Variants in PHKA1 observed in about 807,000 individuals in gnomAD.
PHKA1 encodes the protein phosphorylase kinase regulatory subunit alpha 1.
In PHKA1, 60 loss-of-function variants were observed where a neutral mutation model predicts 110.2. The ratio of observed to expected loss-of-function variants is 0.54; its 90% CI spans 0.44 to 0.68. PHKA1 has a LOEUF of 0.68. Ranked by LOEUF, PHKA1 falls within the 30% of genes least tolerant of loss-of-function variation. The probability of loss-of-function intolerance (pLI) is 0.00; values close to 1 mark genes in which losing one functional copy is unlikely to be tolerated. For synonymous variants in PHKA1, 316 were observed against 333.6 expected (o/e 0.95, Z 0.58); for missense variants, 801 against 942.5 (o/e 0.85, Z 1.97).
chrX:72,655,887 T>C (rs782335512), intron 10 of PHKA1, among the ~76,000 whole-genome samples: 2 of 112,543 alleles, frequency 1.8e-5, no homozygotes, highest in Admixed American at 1.9e-4. Flanking sequence ...CCCAAAGTGC[T>C]GGGATTACAG....
At chrX:72,651,275 G>A (rs1231047689) in intron 12 of PHKA1, among the ~76,000 whole-genome samples, 2 of 111,377 alleles carry the variant, frequency 1.8e-5, no homozygotes, top group Non-Finnish European at 3.8e-5. Flanking sequence ...AGTGGCTCAC[G>A]CCTGTAATCC....
chrX:72,628,600 T>A (rs868990400), intron 16 of PHKA1, among the ~76,000 whole-genome samples: 63 of 98,777 alleles, frequency 6.4e-4, no homozygotes, highest in African/African-American at 1.9e-3. Flanking sequence ...ATATATATTT[T>A]TTTTTTTCAA....
rs868994720 is a variant in PHKA1 at position 72,644,428 on chromosome X, T to C, written c.1393A>G (p.Ile465Val). The change falls in exon 14 of 32, where the codon ATT becomes GTT. Residue 465 changes from isoleucine to valine, a missense_variant. Ile to Val is a conservative substitution (Grantham distance 29). This residue lies in a region of PHKA1 where 299 missense variants were observed against 423.3 expected (regional missense o/e 0.71). Coordinates refer to ENST00000373542, the MANE Select transcript of PHKA1 (RefSeq NM_002637.4). ...ACTCTGATGGGGTATACCTCAGCAA[T>C]GGTCTCCACGTAAATTCCCTTGTCC... ...LKDKGIYVET[I>V]AEVYPIRVQP... The C allele has an allele frequency of 4.1e-6, 5 of 1,205,351 alleles. No homozygotes were observed. In the African/African-American group the frequency reaches 5.2e-5, roughly 13 times the overall value.
chrX:72,588,120 G>A (rs375382681), intron 29 of PHKA1, among the ~76,000 whole-genome samples: 4 of 111,702 alleles, frequency 3.6e-5, no homozygotes, highest in East Asian at 2.8e-4. Context: ...CCAAACCAAC[G>A]GAATATACAT....
At chrX:72,680,108 G>A (rs1359574140) in intron 5 of PHKA1, among the ~76,000 whole-genome samples, 1 of 110,408 alleles carries the variant, frequency 9.1e-6, no homozygotes, top group African/African-American at 3.3e-5. Flanking sequence ...TCTACCTCCG[G>A]GGTTCAAGCG....
At chrX:72,589,200 C>A in intron 29 of PHKA1, among the ~76,000 whole-genome samples, 1 of 111,930 alleles carries the variant, frequency 8.9e-6, no homozygotes, top group East Asian at 2.8e-4. Context: ...CAAACCGAAT[C>A]CAGTAGCACA....
At chrX:72,607,076 G>A (rs952238891) in intron 23 of PHKA1, among the ~76,000 whole-genome samples, 24 of 111,328 alleles carry the variant, frequency 2.2e-4, no homozygotes, top group African/African-American at 7.8e-4. Context: ...TGTCTGAATA[G>A]TACTCCCTTG....
At chrX:72,669,959 G>A (rs1274337144) in intron 6 of PHKA1, among the ~76,000 whole-genome samples, 3 of 110,872 alleles carry the variant, frequency 2.7e-5, no homozygotes, top group East Asian at 5.7e-4. Flanking sequence ...TCGCCACACT[G>A]ACTTCCACAA....
Position 72,581,164 on chromosome X carries a change from G to A in PHKA1, c.3510C>T (p.Gly1170=), listed in dbSNP as rs961952999. The change falls in exon 32 of 32, where the codon GGC becomes GGT. Residue 1170 remains glycine (G), a synonymous_variant. Transcript: ENST00000373542. ...DLFLQEQKTL[G]ADDTMLAKDP... The stretch of plus-strand genomic sequence containing the variant: ...CCTTTGCCAACATGGTATCATCTGC[G>A]CCAAGGGTTTTCTGTTTGGTTTTTA... 1.1e-5 allele frequency: 13 copies of A among 1,188,579 alleles called. No homozygotes were observed. Among genetic ancestry groups the A allele is most frequent in the Non-Finnish European group, 1.5e-5 (13 of 874,610 alleles).
chrX:72,702,558 T>G (rs1556330196), intron 3 of PHKA1, among the ~76,000 whole-genome samples: 1 of 111,448 alleles, frequency 9.0e-6, no homozygotes, highest in South Asian at 3.8e-4. Context: ...GGATTGTTCT[T>G]TTGTTTGTTA....
intron 4 of PHKA1, among the ~76,000 whole-genome samples, chrX:72,687,330 A>C (rs1307342046): frequency 8.9e-6 from 1 of 111,837 alleles, no homozygotes; most frequent in African/African-American, 3.3e-5. Flanking sequence ...AACTTTATTG[A>C]GATACATAAA....
chrX:72,583,914 C>T (rs1168849317), intron 30 of PHKA1, among the ~76,000 whole-genome samples: 2 of 112,195 alleles, frequency 1.8e-5, no homozygotes, highest in African/African-American at 6.5e-5. Context: ...TACAAACATC[C>T]TACTAGAGAA....
At chrX:72,646,663 C>T (rs970760067) in intron 13 of PHKA1, among the ~76,000 whole-genome samples, 6 of 111,370 alleles carry the variant, frequency 5.4e-5, no homozygotes, top group African/African-American at 1.6e-4. Flanking sequence ...GAGATGGGGT[C>T]GGGGCTAGAT....
intron 16 of PHKA1, 55 bp from the exon 17 acceptor site, chrX:72,627,104 G>A: frequency 1.1e-6 from 1 of 879,874 alleles, no homozygotes; most frequent in Non-Finnish European, 1.7e-6. Context: ...CTGAAGTAGG[G>A]AGAAATCTTG....
chrX:72,705,646 C>T lies in PHKA1; in HGVS notation c.238-401G>A, dbSNP rs782397214. ...TTCATTTTTTCTAAGCTAGCCAAGACTTATCTTCAAGAGTCCACAGAAATA... is the reference window on the plus strand; with the variant it reads ...TTCATTTTTTCTAAGCTAGCCAAGATTTATCTTCAAGAGTCCACAGAAATA... On this transcript the variant is annotated intron_variant, in intron 2 of 31. Transcript: ENST00000373542. Among the ~76,000 whole-genome samples, 3 of 112,060 alleles carry T rather than the reference C, an allele frequency of 2.7e-5. No homozygotes were observed. The East Asian group carries it at 8.4e-4, about 31-fold the overall frequency.
intron 21 of PHKA1, among the ~76,000 whole-genome samples, chrX:72,613,274 G>A (rs782163619): frequency 9.0e-5 from 10 of 110,965 alleles, no homozygotes; most frequent in African/African-American, 3.3e-4. Context: ...AGAAAGCAAG[G>A]TAGAGCTGTG....
At chrX:72,707,290 CAT>C (rs1335073961) in intron 2 of PHKA1, among the ~76,000 whole-genome samples, 6 of 111,812 alleles carry the variant, frequency 5.4e-5, no homozygotes, top group Non-Finnish European at 1.1e-4. Flanking sequence ...CTAACTACAG[CAT>C]AGTCTACCCA....
At chrX:72,668,337 T>C (rs889081336) in intron 6 of PHKA1, among the ~76,000 whole-genome samples, 11 of 112,077 alleles carry the variant, frequency 9.8e-5, no homozygotes, top group African/African-American at 2.6e-4. Context: ...AGTAGAATCA[T>C]TGGGTAAAAG....
In PHKA1 at chrX:72,666,279, G is replaced by A; in HGVS notation, c.736C>T (p.Leu246=). ...QHCQSILNSL[L]PRASTSKEVD... ...TCTTTTGATGTTGAAGCACGGGGCAGTAGTGAATTTAGGATAGACTAAGAG... is the reference window on the plus strand; with the variant it reads ...TCTTTTGATGTTGAAGCACGGGGCAATAGTGAATTTAGGATAGACTAAGAG... The change falls in exon 8 of 32, where the codon CTG becomes TTG. Residue 246 remains leucine, a synonymous_variant. Transcript: ENST00000373542. The A allele has an allele frequency of 8.3e-7, 1 of 1,209,779 alleles. No individual in the cohort carries two copies. Among genetic ancestry groups the A allele is most frequent in the Non-Finnish European group, 1.1e-6 (1 of 893,685 alleles).
Sources: gnomAD v4.1 joint callset for allele counts (sites outside exome capture counted in the v4.1 genomes callset) on GRCh38, gnomAD v4.1.1 for gene constraint, gnomAD v4.1.1 regional missense constraint, MANE v1.5 for transcripts, NCBI Gene and HGNC (gene_info 2026-07-23, HGNC 2026-07-21) for gene names.